Variants in PCLO observed in about 807,000 individuals in gnomAD.
PCLO encodes protein piccolo.
PCLO carries 82 observed loss-of-function variants against 427.5 expected under a neutral mutation model. The ratio of observed to expected loss-of-function variants is 0.19; its 90% CI spans 0.16 to 0.23. PCLO has a LOEUF of 0.23. Ranked by LOEUF, PCLO falls within the 10% of genes least tolerant of loss-of-function variation. The pLI is 1.00. For synonymous variants in PCLO, 2,357 were observed against 2,155.4 expected (o/e 1.09, Z -2.59); for missense variants, 6,239 against 6,115.9 (o/e 1.02, Z -0.67).
At chr7:82,937,653 AG>A (rs1267989618) in intron 6 of PCLO, among the ~76,000 whole-genome samples, 5 of 151,720 alleles carry the variant, frequency 3.3e-5, no homozygotes, top group South Asian at 4.2e-4. Context: ...AGAAATCAAT[AG>A]TTTTTTCCCT....
chr7:82,971,616 C>G (rs1051049732), intron 3 of PCLO, among the ~76,000 whole-genome samples: 6 of 146,198 alleles, frequency 4.1e-5, no homozygotes, highest in African/African-American at 1.5e-4. Context: ...TATATGATAT[C>G]GTATAGATAT....
intron 2 of PCLO, among the ~76,000 whole-genome samples, chr7:83,150,345 C>A (rs1490764319): frequency 6.6e-6 from 1 of 152,156 alleles, no homozygotes; most frequent in Non-Finnish European, 1.5e-5. Flanking sequence ...AGCTATACAC[C>A]CCTCTGGTCA....
At chr7:83,121,183 A>G (rs1791268443) in intron 3 of PCLO, among the ~76,000 whole-genome samples, 1 of 152,158 alleles carries the variant, frequency 6.6e-6, no homozygotes, top group Non-Finnish European at 1.5e-5. Context: ...CACAGTATAA[A>G]AAGATATAAA....
chr7:82,768,331 G>A (rs759792617), intron 22 of PCLO, among the ~76,000 whole-genome samples: 19 of 151,742 alleles, frequency 1.3e-4, no homozygotes, highest in Non-Finnish European at 2.2e-4. Flanking sequence ...ACTGAGGCAC[G>A]AGAATTGCCT....
intron 20 of PCLO, among the ~76,000 whole-genome samples, chr7:82,815,973 T>C (rs907896068): frequency 6.6e-6 from 1 of 152,146 alleles, no homozygotes; most frequent in Non-Finnish European, 1.5e-5. Flanking sequence ...AAATTTTATA[T>C]TTCGGATATA....
intron 2 of PCLO, among the ~76,000 whole-genome samples, chr7:83,146,315 C>T (rs186424324): frequency 1.3e-3 from 193 of 152,254 alleles, no homozygotes; most frequent in African/African-American, 4.5e-3. Flanking sequence ...TGTTTGACAC[C>T]TTACTGATGT....
chr7:82,825,010 C>G (rs533886573), intron 18 of PCLO, among the ~76,000 whole-genome samples: 1 of 152,112 alleles, frequency 6.6e-6, no homozygotes, highest in African/African-American at 2.4e-5. Context: ...TTAAACTGGA[C>G]TAGCAACCTT....
chr7:82,820,601 GA>G, intron 20 of PCLO: 1 of 1,229,178 alleles, frequency 8.1e-7, no homozygotes, highest in Non-Finnish European at 1.0e-6. Context: ...GTAGGATCAA[GA>G]GAGAACTTTC....
At chr7:82,906,417 C>A (rs574949320) in intron 8 of PCLO, among the ~76,000 whole-genome samples, 1 of 151,956 alleles carries the variant, frequency 6.6e-6, no homozygotes, top group East Asian at 1.9e-4. Context: ...CATGAGAATG[C>A]CATTTTGTAA....
chr7:83,124,879 C>T (rs1349767825), intron 3 of PCLO, among the ~76,000 whole-genome samples: 2 of 152,080 alleles, frequency 1.3e-5, no homozygotes, highest in African/African-American at 4.8e-5. Flanking sequence ...CTCAGCCTGC[C>T]GAGTGCCTGG....
rs767530949 is a variant in PCLO, at chr7:82,949,785, T to A, written c.10803A>T (p.Ser3601=). 1.9e-6 allele frequency: 3 copies of A among 1,613,790 alleles called. No individual in the cohort carries two copies. Among genetic ancestry groups the A allele is most frequent in the African/African-American group, 1.3e-5 (1 of 74,980 alleles). Residue 3601 remains serine, a synonymous_variant, in exon 6 of 25, where the codon TCA becomes TCT. Transcript: ENST00000333891. ...CTGTGGAATCTGCCCGGAGGTGAGA[T>A]GAATAACCAATCTCTAAAGGTGTTG... ...KRPTPLEIGY[S]SHLRADSTVQ... is the part of the protein sequence containing the mutation.
chr7:83,118,915 A>C (rs538511196), intron 3 of PCLO, among the ~76,000 whole-genome samples: 2 of 152,124 alleles, frequency 1.3e-5, no homozygotes, highest in African/African-American at 2.4e-5. Context: ...CTCTTTCCCA[A>C]CTCTAAGCAG....
chr7:83,043,912 C>CTTTTCTTTTTTTTTTTTT (rs1789033893), intron 3 of PCLO, among the ~76,000 whole-genome samples: 11 of 94,912 alleles, frequency 1.2e-4, no homozygotes, highest in Non-Finnish European at 1.8e-4. Flanking sequence ...CTATTATTTT[C>CTTTTCTTTTTTTTTTTTT]TTTTTTTTTT....
chr7:83,073,274 A>G (rs1452842886), intron 3 of PCLO, among the ~76,000 whole-genome samples: 2 of 152,052 alleles, frequency 1.3e-5, no homozygotes, highest in Admixed American at 6.5e-5. Context: ...CAGCCCATTA[A>G]AATTATGGTT....
intron 3 of PCLO, among the ~76,000 whole-genome samples, chr7:83,107,298 TCC>T (rs1170135831): frequency 6.6e-6 from 1 of 152,140 alleles, no homozygotes; most frequent in African/African-American, 2.4e-5. Flanking sequence ...AGAATATCCA[TCC>T]CATTGGAGTT....
At position 82,954,827 on chromosome 7, in the gene PCLO, T is replaced by C. The variant is rs765557926; in HGVS notation, c.6126A>G (p.Ile2042Met). 2 of 1,613,856 alleles carry C rather than the reference T, an allele frequency of 1.2e-6. No individual in the cohort carries two copies. Among genetic ancestry groups the C allele is most frequent in the South Asian group, 2.2e-5 (2 of 91,070 alleles). The change falls in exon 5 of 25, where the codon ATA becomes ATG. Residue 2042 changes from isoleucine to methionine, a missense_variant. Physicochemically the swap from Ile to Met is conservative, Grantham distance 10. Around this residue, in one of 5 missense-constraint regions of PCLO, gnomAD observed 4,677 missense variants for 4,468.4 expected, o/e 1.05. Transcript: ENST00000333891. ...AAGTTACCATAGTACCCAGGTCCAC[T>C]ATCTCATGGCTTTCTGGGATGATAA... ...SSFIIPESHE[I>M]VDLGTMVTST...
intron 2 of PCLO, among the ~76,000 whole-genome samples, chr7:83,142,126 C>A (rs138699142): frequency 6.6e-6 from 1 of 151,844 alleles, no homozygotes; most frequent in African/African-American, 2.4e-5. Flanking sequence ...TTAAACACAT[C>A]AACATAATAT....
chr7:82,990,660 C>T (rs534703564), intron 3 of PCLO, among the ~76,000 whole-genome samples: 1 of 152,196 alleles, frequency 6.6e-6, no homozygotes, highest in Non-Finnish European at 1.5e-5. Flanking sequence ...ATGTATTTAA[C>T]AAAAACTTTA....
intron 3 of PCLO, among the ~76,000 whole-genome samples, chr7:83,123,446 C>T (rs1791338340): frequency 6.6e-6 from 1 of 152,076 alleles, no homozygotes; most frequent in South Asian, 2.1e-4. Flanking sequence ...AAACTAGATC[C>T]CTGTTTCTTA....
Sources: gnomAD v4.1 joint callset for allele counts (sites outside exome capture counted in the v4.1 genomes callset) on GRCh38, gnomAD v4.1.1 for gene constraint, gnomAD v4.1.1 regional missense constraint, MANE v1.5 for transcripts, NCBI Gene and HGNC (gene_info 2026-07-23, HGNC 2026-07-21) for gene names.